Variants in SLC35F1 observed in about 807,000 individuals in gnomAD.
The protein encoded by SLC35F1 is chromosome 6 open reading frame 169.
SLC35F1 carries 14 observed loss-of-function variants against 48.7 expected under a neutral mutation model. The ratio of observed to expected loss-of-function variants is 0.29; its 90% CI spans 0.19 to 0.45. SLC35F1 has a LOEUF of 0.45. Ranked by LOEUF, SLC35F1 falls within the 20% of genes least tolerant of loss-of-function variation. SLC35F1 has a pLI of 1.00. For missense variants in SLC35F1, 404 were observed against 500.0 expected (o/e 0.81, Z 1.83); for synonymous variants, 190 against 202.2 (o/e 0.94, Z 0.51).
At chr6:118,007,269 T>C (rs998484184) in intron 1 of SLC35F1, among the ~76,000 whole-genome samples, 15 of 152,164 alleles carry the variant, frequency 9.9e-5, no homozygotes, top group African/African-American at 3.6e-4. Flanking sequence ...TGTGATAACC[T>C]CTTAATCCGC....
intron 1 of SLC35F1, among the ~76,000 whole-genome samples, chr6:117,948,453 A>G (rs1046968892): frequency 6.6e-6 from 1 of 152,112 alleles, no homozygotes; most frequent in African/African-American, 2.4e-5. Context: ...TTGATTCCCA[A>G]TTATCTACTT....
intron 1 of SLC35F1, among the ~76,000 whole-genome samples, chr6:118,149,562 G>T (rs1169205252): frequency 6.6e-6 from 1 of 152,154 alleles, no homozygotes; most frequent in African/African-American, 2.4e-5. Context: ...TGTGCAGGCT[G>T]CAATAGCTAC....
chr6:117,961,496 G>T (rs900028400), intron 1 of SLC35F1, among the ~76,000 whole-genome samples: 1 of 152,096 alleles, frequency 6.6e-6, no homozygotes, highest in South Asian at 2.1e-4. Flanking sequence ...TGCTTCGTCG[G>T]GTCTAGAAGG....
intron 1 of SLC35F1, among the ~76,000 whole-genome samples, chr6:118,051,555 GTTTA>G (rs1772392025): frequency 6.6e-6 from 1 of 152,084 alleles, no homozygotes; most frequent in Admixed American, 6.6e-5. Flanking sequence ...ATTTGTCACT[GTTTA>G]AGTCTTTGGG....
chr6:118,055,543 T>A (rs1320824653), intron 1 of SLC35F1, among the ~76,000 whole-genome samples: 1 of 152,184 alleles, frequency 6.6e-6, no homozygotes, highest in Non-Finnish European at 1.5e-5. Flanking sequence ...AATCACAGCA[T>A]AAGTCAAAGA....
intron 3 of SLC35F1, among the ~76,000 whole-genome samples, chr6:118,242,671 C>A (rs78077313): frequency 6.6e-6 from 1 of 152,110 alleles, no homozygotes; most frequent in African/African-American, 2.4e-5. Flanking sequence ...CTATATGAAC[C>A]ATTACAGTAG....
At chr6:118,022,747 ATTTTTTT>A (rs34879607) in intron 1 of SLC35F1, among the ~76,000 whole-genome samples, 11 of 120,630 alleles carry the variant, frequency 9.1e-5, no homozygotes, top group South Asian at 2.5e-4. Flanking sequence ...AGCTTGGACA[ATTTTTTT>A]TTTTTTTTTT....
chr6:118,225,375 G>A (rs1775202020), intron 2 of SLC35F1, among the ~76,000 whole-genome samples: 1 of 152,134 alleles, frequency 6.6e-6, no homozygotes, highest in East Asian at 1.9e-4. Context: ...AAGGTGCCAA[G>A]AACATACAAT....
intron 1 of SLC35F1, among the ~76,000 whole-genome samples, chr6:117,968,094 C>T (rs1776593819): frequency 6.6e-6 from 1 of 151,952 alleles, no homozygotes; most frequent in Non-Finnish European, 1.5e-5. Context: ...ACTTCTATAC[C>T]CTAGTAGAAC....
intron 7 of SLC35F1, among the ~76,000 whole-genome samples, chr6:118,292,057 G>T (rs1776130566): frequency 6.6e-6 from 1 of 152,174 alleles, no homozygotes; most frequent in Admixed American, 6.5e-5. Context: ...GGCAGAGTTT[G>T]CAGTGAGCTG....
chr6:117,974,282 C>T (rs1776679887), intron 1 of SLC35F1, among the ~76,000 whole-genome samples: 1 of 152,122 alleles, frequency 6.6e-6, no homozygotes, highest in African/African-American at 2.4e-5. Context: ...TGGTTTTAGT[C>T]TGAAAAGATA....
At chr6:118,081,311 C>T (rs1269594386) in intron 1 of SLC35F1, among the ~76,000 whole-genome samples, 2 of 152,132 alleles carry the variant, frequency 1.3e-5, no homozygotes, top group African/African-American at 2.4e-5. Flanking sequence ...TGAATCCTTA[C>T]ACCTTTTCAC....
At chr6:117,954,505 TG>T (rs1413232903) in intron 1 of SLC35F1, among the ~76,000 whole-genome samples, 1 of 152,188 alleles carries the variant, frequency 6.6e-6, no homozygotes, top group Non-Finnish European at 1.5e-5. Flanking sequence ...GTGAGCCACC[TG>T]TCTCCATCTC....
intron 1 of SLC35F1, among the ~76,000 whole-genome samples, chr6:117,923,758 C>CACGTGTATATACAT (rs1554216764): frequency 1.9e-5 from 1 of 51,832 alleles, no homozygotes; most frequent in Non-Finnish European, 4.0e-5. Context: ...TACATATATA[C>CACGTGTATATACAT]ATATGCACAT....
intron 1 of SLC35F1, among the ~76,000 whole-genome samples, chr6:117,980,842 C>T (rs189748894): frequency 6.6e-6 from 1 of 152,200 alleles, no homozygotes; most frequent in East Asian, 1.9e-4. Flanking sequence ...CAGCTAGGCC[C>T]AGAGAGCATT....
At chr6:118,182,250 C>A (rs1164111835) in intron 2 of SLC35F1, among the ~76,000 whole-genome samples, 2 of 151,940 alleles carry the variant, frequency 1.3e-5, no homozygotes, top group Non-Finnish European at 2.9e-5. Flanking sequence ...CTTTGGGAAG[C>A]TGAGGTGGGT....
intron 2 of SLC35F1, among the ~76,000 whole-genome samples, chr6:118,190,852 A>T (rs1430474226): frequency 1.3e-5 from 2 of 152,056 alleles, no homozygotes; most frequent in Non-Finnish European, 2.9e-5. Context: ...ATCCCCTACA[A>T]CTGAATCTCT....
At chr6:117,998,400 G>A (rs1323051460) in intron 1 of SLC35F1, among the ~76,000 whole-genome samples, 3 of 152,006 alleles carry the variant, frequency 2.0e-5, no homozygotes, top group African/African-American at 7.3e-5. Flanking sequence ...CCCAGGAATT[G>A]AACTCAGCTC....
intron 1 of SLC35F1, among the ~76,000 whole-genome samples, chr6:117,919,874 C>T (rs1305627977): frequency 1.3e-5 from 2 of 152,124 alleles, no homozygotes; most frequent in Non-Finnish European, 2.9e-5. Context: ...ACCTGTGGTT[C>T]CTGAAAGAGA....
Sources: allele counts gnomAD v4.1 joint callset (sites outside exome capture counted in the v4.1 genomes callset), GRCh38; gene constraint gnomAD v4.1.1; transcripts MANE v1.5; gene names NCBI Gene and HGNC (gene_info 2026-07-23, HGNC 2026-07-21).